Variants in RBFOX1 observed in about 807,000 individuals in gnomAD.
RBFOX1 encodes RNA binding protein fox-1 homolog 1.
Under a neutral mutation model 57.7 loss-of-function variants are expected in RBFOX1, and 8 were observed. The ratio of observed to expected loss-of-function variants is 0.14; its 90% CI spans 0.08 to 0.25. RBFOX1 has a LOEUF of 0.25. Among genes scored for constraint, RBFOX1 ranks in the 10% least tolerant of loss-of-function variants. The probability of loss-of-function intolerance (pLI) is 1.00; values close to 1 mark genes in which losing one functional copy is unlikely to be tolerated. For synonymous variants in RBFOX1, 326 were observed against 222.4 expected (o/e 1.47, Z -4.15); for missense variants, 611 against 548.5 (o/e 1.11, Z -1.14).
chr16:5,819,577 C>T lies in RBFOX1; in HGVS notation c.319-47726C>T, dbSNP rs188840785. 6.4e-3 allele frequency among the ~76,000 whole-genome samples: 975 copies of T among 152,256 alleles called. 31 individuals carry two copies. Among genetic ancestry groups the T allele is most frequent in the Admixed American group, 0.059 (909 of 15,290 alleles). ...AACACAGGTTCTTTCTGACCTGGGT[C>T]CTTATCTTCTGCCATTTACCTCTTG... On this transcript the variant is annotated intron_variant, in intron 3 of 19. Transcript: ENST00000641259.
At chr16:6,826,550 G>A (rs1038693366) in intron 3 of RBFOX1, among the ~76,000 whole-genome samples, 1 of 152,060 alleles carries the variant, frequency 6.6e-6, no homozygotes, top group African/African-American at 2.4e-5. Flanking sequence ...CCGGGCATAC[G>A]TGCTTGCGGG....
chr16:7,279,198 A>C (rs1365139195), intron 4 of RBFOX1, among the ~76,000 whole-genome samples: 2 of 151,314 alleles, frequency 1.3e-5, no homozygotes, highest in East Asian at 2.0e-4. Flanking sequence ...ACCCTCTCTG[A>C]CTTACACAGA....
intron 3 of RBFOX1, among the ~76,000 whole-genome samples, chr16:6,892,367 C>T (rs1477716216): frequency 2.0e-5 from 3 of 152,248 alleles, no homozygotes; most frequent in East Asian, 3.9e-4. Context: ...CAGAAAATAT[C>T]TTAAAATATC....
intron 3 of RBFOX1, among the ~76,000 whole-genome samples, chr16:6,960,499 G>C (rs949879750): frequency 6.6e-6 from 1 of 152,070 alleles, no homozygotes; most frequent in Non-Finnish European, 1.5e-5. Context: ...AGAATAAGCA[G>C]CCTGACCCTC....
intron 3 of RBFOX1, among the ~76,000 whole-genome samples, chr16:6,964,132 C>T (rs112715447): frequency 6.6e-6 from 1 of 152,152 alleles, no homozygotes; most frequent in African/African-American, 2.4e-5. Context: ...ATTCTCCTGC[C>T]TCAGCCTCCC....
intron 4 of RBFOX1, among the ~76,000 whole-genome samples, chr16:7,083,047 A>G (rs2059436953): frequency 6.6e-6 from 1 of 152,174 alleles, no homozygotes; most frequent in African/African-American, 2.4e-5. Flanking sequence ...TTAAAATGGA[A>G]GGTTTTGGGA....
At chr16:6,814,329 G>C (rs1603628063) in intron 3 of RBFOX1, among the ~76,000 whole-genome samples, 1 of 152,108 alleles carries the variant, frequency 6.6e-6, no homozygotes, top group East Asian at 1.9e-4. Flanking sequence ...AGTTGATTAA[G>C]ACATAGCTCC....
chr16:6,920,319 G>T (rs1406245006), intron 3 of RBFOX1, among the ~76,000 whole-genome samples: 1 of 152,144 alleles, frequency 6.6e-6, no homozygotes, highest in Non-Finnish European at 1.5e-5. Context: ...TCAAACGGTA[G>T]TTCTGCTCTT....
At chr16:5,298,645 CCACTG>C in intron 1 of RBFOX1, among the ~76,000 whole-genome samples, 1 of 19,490 alleles carries the variant, frequency 5.1e-5, no homozygotes, top group South Asian at 2.6e-3. Context: ...CCCCTCCCTC[CCACTG>C]CCCCTCCCTC....
At chr16:6,626,623 G>C (rs2098311822) in intron 2 of RBFOX1, among the ~76,000 whole-genome samples, 1 of 152,112 alleles carries the variant, frequency 6.6e-6, no homozygotes, top group African/African-American at 2.4e-5. Flanking sequence ...AGCTAGGTAT[G>C]GTGGTGCGCA....
intron 1 of RBFOX1, among the ~76,000 whole-genome samples, chr16:5,278,949 T>C (rs1251989882): frequency 3.9e-5 from 6 of 152,214 alleles, no homozygotes; most frequent in Non-Finnish European, 8.8e-5. Flanking sequence ...TTTGTTTTTG[T>C]GTCTGTTTTA....
At chr16:6,593,733 A>C (rs1373711477) in intron 2 of RBFOX1, among the ~76,000 whole-genome samples, 1 of 152,212 alleles carries the variant, frequency 6.6e-6, no homozygotes, top group Non-Finnish European at 1.5e-5. Flanking sequence ...GAGGCATGCC[A>C]TTCAGTAGCA....
intron 2 of RBFOX1, among the ~76,000 whole-genome samples, chr16:6,653,783 T>G (rs1188245085): frequency 6.8e-6 from 1 of 147,806 alleles, no homozygotes; most frequent in Non-Finnish European, 1.5e-5. Context: ...GATGGATAGG[T>G]GGGTGGATGG....
At position 6,106,497 on chromosome 16, in the gene RBFOX1, G is replaced by T. The variant is rs180770219; in HGVS notation, c.-127+86505G>T. ...TAAAAAAAAAAAAAGGTAGTTCCAT[G>T]CTCTTATAAATAAAGAATAGTACTG... is the stretch of plus-strand genomic sequence containing the variant. On this transcript the variant is annotated intron_variant, in intron 1 of 15. Coordinates refer to ENST00000550418, the MANE Select transcript of RBFOX1 (RefSeq NM_018723.4). Among the ~76,000 whole-genome samples the T allele has an allele frequency of 2.1e-3, 309 of 146,896 alleles. 2 individuals carry two copies. Among genetic ancestry groups the T allele is most frequent in the African/African-American group, 7.3e-3 (290 of 39,482 alleles).
At chr16:6,690,028 G>T (rs10492840) in intron 3 of RBFOX1, among the ~76,000 whole-genome samples, 1 of 151,904 alleles carries the variant, frequency 6.6e-6, no homozygotes, top group Non-Finnish European at 1.5e-5. Context: ...AATCTTCTTT[G>T]GGTAATCTTT....
chr16:7,352,470 G>A (rs1403548343), intron 4 of RBFOX1, among the ~76,000 whole-genome samples: 2 of 152,228 alleles, frequency 1.3e-5, no homozygotes, highest in East Asian at 1.9e-4. Flanking sequence ...TGAAGACGTG[G>A]GGTGGGTAAG....
chr16:7,143,280 T>C (rs527522641), intron 4 of RBFOX1, among the ~76,000 whole-genome samples: 2 of 152,100 alleles, frequency 1.3e-5, no homozygotes, highest in South Asian at 4.2e-4. Flanking sequence ...GAAATGACAA[T>C]GCGTCCAACT....
intron 4 of RBFOX1, among the ~76,000 whole-genome samples, chr16:5,980,041 A>G (rs2060141329): frequency 1.3e-5 from 2 of 152,174 alleles, no homozygotes; most frequent in African/African-American, 4.8e-5. Flanking sequence ...GGGTTCCTGA[A>G]AAGTCTTCCA....
intron 4 of RBFOX1, among the ~76,000 whole-genome samples, chr16:7,482,335 C>T (rs995187310): frequency 7.2e-5 from 11 of 152,058 alleles, no homozygotes; most frequent in African/African-American, 2.4e-4. Context: ...CCCACTTTAC[C>T]GGTGAGAAAA....
Sources: allele counts gnomAD v4.1 joint callset (sites outside exome capture counted in the v4.1 genomes callset), GRCh38; gene constraint gnomAD v4.1.1; transcripts MANE v1.5; gene names NCBI Gene and HGNC (gene_info 2026-07-23, HGNC 2026-07-21).